DDR2: variants seen among roughly 807,000 people sequenced by gnomAD.
DDR2 encodes discoidin domain-containing receptor 2.
A neutral mutation model predicts 94.9 loss-of-function variants in DDR2; 27 were observed. That is an observed-to-expected ratio of 0.28 (90% confidence interval 0.21 to 0.39). The LOEUF (loss-of-function observed/expected upper bound fraction) is 0.39. Ranked by LOEUF, DDR2 falls within the 10% of genes least tolerant of loss-of-function variation. The pLI, the probability that DDR2 is intolerant of heterozygous loss-of-function variation, is 1.00. For missense variants in DDR2, 783 were observed against 1,076.0 expected, an observed-to-expected ratio of 0.73 and a Z score of 3.81; for synonymous variants, 382 against 377.2, an observed-to-expected ratio of 1.01 and a Z score of -0.15.
intron 3 of DDR2, among the ~76,000 whole-genome samples, chr1:162,737,001 CATG>C (rs1222959386): frequency 6.6e-6 from 1 of 152,192 alleles, no homozygotes; most frequent in Non-Finnish European, 1.5e-5. Context: ...AGAAGAGTTT[CATG>C]ATATGACTTT....
intron 1 of DDR2, among the ~76,000 whole-genome samples, chr1:162,645,512 A>G (rs1263387257): frequency 6.6e-6 from 1 of 152,232 alleles, no homozygotes; most frequent in African/African-American, 2.4e-5. Context: ...AATTATTTTA[A>G]TGTGATAGAT....
In DDR2 at chr1:162,783,020, A is replaced by G. The variant is rs956254224; in HGVS notation, c.*2774A>G. ...AATACATGGTGAGGGCCTAGTATGTAGAATTTGAAAGTAGTTCAAATTTGA... is the reference window on the plus strand; with the variant it reads ...AATACATGGTGAGGGCCTAGTATGTGGAATTTGAAAGTAGTTCAAATTTGA... On this transcript the variant is annotated 3_prime_UTR_variant, in exon 18 of 18. Coordinates refer to ENST00000367921, the MANE Select transcript of DDR2 (RefSeq NM_006182.4). 1.3e-5 allele frequency: 2 copies of G among 152,210 alleles called. No individual in the cohort carries two copies. Among genetic ancestry groups the G allele is most frequent in the African/African-American group, 4.8e-5 (2 of 41,462 alleles). 9.4% of individuals were successfully genotyped at this position (152,210 alleles called of 1,614,324 possible). A position where few individuals can be genotyped will look rare whatever the true frequency, so the allele number is the denominator to read the frequency against.
At chr1:162,741,772 T>C (rs1267915653) in intron 3 of DDR2, 5 of 985,202 alleles carry the variant, frequency 5.1e-6, no homozygotes, top group Admixed American at 1.2e-4. Flanking sequence ...AATGTGAGCG[T>C]TCTGATAAAC....
chr1:162,714,783 A>G (rs1203221904), intron 2 of DDR2, among the ~76,000 whole-genome samples: 1 of 152,118 alleles, frequency 6.6e-6, no homozygotes, highest in Non-Finnish European at 1.5e-5. Context: ...TGCCTTTTTT[A>G]CTGATGTGCT....
Position 162,781,870 on chromosome 1 carries a change from C to T in DDR2, c.*1624C>T, listed in dbSNP as rs568978727. 6.6e-6 allele frequency: 1 copy of T among 152,352 alleles called. No homozygotes were observed. Among genetic ancestry groups the T allele is most frequent in the Non-Finnish European group, 1.5e-5 (1 of 68,036 alleles). 9.4% of individuals were successfully genotyped at this position (152,352 alleles called of 1,614,324 possible). ...GTTTCCCAAGCTGAGAAGGATTAGC[C>T]TTGACCCCTTGGGTCTGCCTCTGTT... On this transcript the variant is annotated 3_prime_UTR_variant, in exon 18 of 18. Coordinates refer to ENST00000367921, the MANE Select transcript of DDR2 (RefSeq NM_006182.4).
In DDR2 at chr1:162,782,966, T is replaced by C. The variant is rs970261623; in HGVS notation, c.*2720T>C. The C allele has an allele frequency of 6.6e-6, 1 of 152,140 alleles. No individual in the cohort carries two copies. The highest frequency in any genetic ancestry group is 1.5e-5 in the Non-Finnish European group (1 of 68,020). The allele number at this position is 152,140 out of a possible 1,614,324, so 9.4% of individuals were successfully genotyped here. A position where few individuals can be genotyped will look rare whatever the true frequency, so the allele number is the denominator to read the frequency against. On this transcript the variant is annotated 3_prime_UTR_variant, in exon 18 of 18. Transcript: ENST00000367921. Reference sequence around the variant, plus strand: ...CTAGCTTAGTCATGCCTTTAGAGTTTAGTAGCACAAATCCATGCAACCCAA... The same window carrying C: ...CTAGCTTAGTCATGCCTTTAGAGTTCAGTAGCACAAATCCATGCAACCCAA...
intron 11 of DDR2, 99 bp downstream of exon 11, chr1:162,767,458 A>G: frequency 6.6e-7 from 1 of 1,509,446 alleles, no homozygotes. Context: ...AACATTTATT[A>G]ATGGTTGGAA....
intron 1 of DDR2, among the ~76,000 whole-genome samples, chr1:162,653,094 G>T (rs1182024837): frequency 6.6e-6 from 1 of 152,136 alleles, no homozygotes; most frequent in Admixed American, 6.5e-5. Flanking sequence ...GACAGAACAA[G>T]GCCCTGTCTT....
At chr1:162,765,311 A>C (rs1193720289) in intron 9 of DDR2, among the ~76,000 whole-genome samples, 5 of 152,174 alleles carry the variant, frequency 3.3e-5, no homozygotes, top group Admixed American at 6.5e-5. Context: ...CCTTATTTAT[A>C]TAATAATATT....
At chr1:162,635,507 A>G (rs560527299) in intron 1 of DDR2, among the ~76,000 whole-genome samples, 5 of 152,150 alleles carry the variant, frequency 3.3e-5, no homozygotes, top group East Asian at 1.9e-4. Flanking sequence ...ACATGCTAAC[A>G]TTCTTGTGCC....
chr1:162,730,798 TCCTTACATTCCC>T (rs924999294), intron 3 of DDR2, among the ~76,000 whole-genome samples: 9 of 152,212 alleles, frequency 5.9e-5, no homozygotes, highest in Admixed American at 6.5e-5. Context: ...AGAGGGCTTC[TCCTTACATTCCC>T]CCTCCACACA....
At chr1:162,655,967 G>A (rs527336824) in intron 2 of DDR2, among the ~76,000 whole-genome samples, 1 of 152,242 alleles carries the variant, frequency 6.6e-6, no homozygotes, top group East Asian at 1.9e-4. Flanking sequence ...TTCATACAGC[G>A]CTTAGCTGGG....
intron 2 of DDR2, among the ~76,000 whole-genome samples, chr1:162,682,728 T>C (rs1319841992): frequency 1.3e-5 from 2 of 152,238 alleles, no homozygotes; most frequent in Non-Finnish European, 2.9e-5. Context: ...TTTGAAGATA[T>C]CATTTTGAGG....
rs149760620 is a variant in DDR2, at chr1:162,639,422, T to C, written c.-192+6791T>C. Among the ~76,000 whole-genome samples the C allele has an allele frequency of 1.6e-3, 239 of 152,360 alleles. 4 individuals carry two copies. The highest frequency in any genetic ancestry group is 5.4e-3 in the African/African-American group (224 of 41,596). ...TTTTCAACAAATGGTGCTGGAACAA[T>C]TGGACATCCACATGCAAAAATAATG... On this transcript the variant is annotated intron_variant, in intron 1 of 17. Transcript: ENST00000367921.
In DDR2 at chr1:162,785,191, C is replaced by A. The variant is rs1249713475; in HGVS notation, c.*4945C>A. On this transcript the variant is annotated 3_prime_UTR_variant, in exon 18 of 18. Transcript: ENST00000367921. The stretch of plus-strand genomic sequence containing the variant: ...GTTCATAGCTTGTTGTCTAGAAAAC[C>A]AGGTAGCAGGATATTCTAGATGCTT... The A allele has an allele frequency of 6.6e-6, 1 of 152,086 alleles. No homozygotes were observed. Among genetic ancestry groups the A allele is most frequent in the Non-Finnish European group, 1.5e-5 (1 of 68,012 alleles). The allele number at this position is 152,086 out of a possible 1,614,324, so 9.4% of individuals were successfully genotyped here. A position where few individuals can be genotyped will look rare whatever the true frequency, so the allele number is the denominator to read the frequency against.
intron 3 of DDR2, among the ~76,000 whole-genome samples, chr1:162,741,251 A>ATATAG (rs1363760224): frequency 1.4e-5 from 1 of 71,498 alleles, no homozygotes; most frequent in Non-Finnish European, 2.9e-5. Context: ...ATATAGTATA[A>ATATAG]TGTAATGTAA....
chr1:162,658,314 T>C (rs565311815), intron 2 of DDR2, among the ~76,000 whole-genome samples: 2 of 152,252 alleles, frequency 1.3e-5, no homozygotes, highest in South Asian at 4.2e-4. Flanking sequence ...GGAACACACC[T>C]GGAAATGTCT....
intron 3 of DDR2, among the ~76,000 whole-genome samples, chr1:162,729,300 A>ATAT (rs1416872679): frequency 8.9e-4 from 84 of 94,002 alleles, no homozygotes; most frequent in Admixed American, 1.6e-3. Flanking sequence ...ATATATATAT[A>ATAT]TTTTTTTTTT....
chr1:162,716,480 T>C (rs1270699903), intron 2 of DDR2, among the ~76,000 whole-genome samples: 2 of 152,212 alleles, frequency 1.3e-5, no homozygotes, highest in Non-Finnish European at 2.9e-5. Context: ...GGCATGTTTA[T>C]TTAGGGACTT....
Sources: allele counts gnomAD v4.1 joint callset (sites outside exome capture counted in the v4.1 genomes callset), GRCh38; gene constraint gnomAD v4.1.1; transcripts MANE v1.5; gene names NCBI Gene and HGNC (gene_info 2026-07-23, HGNC 2026-07-21).